The following PDXDC1 variants were observed in gnomAD, a reference collection of about 807,000 sequenced individuals.
The protein encoded by PDXDC1 is pyridoxal dependent decarboxylase domain containing 1, also known as pyridoxal-dependent decarboxylase domain-containing protein 1.
Under a neutral mutation model 100.1 loss-of-function variants are expected in PDXDC1, and 42 were observed. The ratio of observed to expected loss-of-function variants is 0.42; its 90% CI spans 0.33 to 0.54. The LOEUF is 0.54. Among genes scored for constraint, PDXDC1 ranks in the 20% least tolerant of loss-of-function variants. PDXDC1 has a pLI of 0.10. For synonymous variants in PDXDC1, 260 were observed against 371.7 expected (o/e 0.70, Z 3.46); for missense variants, 636 against 979.2 (o/e 0.65, Z 4.68).
At chr16:15,014,560 A>C (rs2151478462) in intron 8 of PDXDC1, among the ~76,000 whole-genome samples, 1 of 152,420 alleles carries the variant, frequency 6.6e-6, no homozygotes, top group Non-Finnish European at 1.5e-5. Context: ...AGCTAAACTA[A>C]ATGTGTCTGT....
At chr16:15,038,347 GT>G, downstream of PDXDC1, 4 of 631,968 alleles carry the variant, frequency 6.3e-6, no homozygotes, top group South Asian at 1.0e-4. Context: ...GCCTGAATTA[GT>G]AAGAAAAAAG....
intron 5 of PDXDC1, among the ~76,000 whole-genome samples, chr16:15,005,083 G>A (rs1211138051): frequency 6.6e-6 from 1 of 152,292 alleles, no homozygotes; most frequent in Non-Finnish European, 1.5e-5. Flanking sequence ...CTGAGGCCAG[G>A]CACGGTGGCT....
At chr16:15,053,658 C>A (rs941894393) in intron 16 of PDXDC1, among the ~76,000 whole-genome samples, 4 of 152,048 alleles carry the variant, frequency 2.6e-5, no homozygotes, top group Non-Finnish European at 5.9e-5. Context: ...CACCGGTAAT[C>A]CCAGCACTTT....
chr16:14,984,495 A>ATATTTTTTT (rs1555542734), intron 1 of PDXDC1, among the ~76,000 whole-genome samples: 2 of 73,494 alleles, frequency 2.7e-5, no homozygotes, highest in African/African-American at 5.0e-5. Flanking sequence ...ATATATATAT[A>ATATTTTTTT]TTTTTTTTTT....
intron 16 of PDXDC1, among the ~76,000 whole-genome samples, chr16:15,129,165 C>T (rs78119663): frequency 0.016 from 2,473 of 151,692 alleles, 60 homozygotes; most frequent in African/African-American, 0.056. Context: ...AAAAGCAGCA[C>T]GGAAATAAAA....
intron 16 of PDXDC1, chr16:15,130,419 A>C (rs759145381): frequency 7.2e-6 from 11 of 1,537,308 alleles, no homozygotes; most frequent in Admixed American, 3.5e-5. Context: ...GTGGCTGGAG[A>C]GGTTCAGACG....
intron 9 of PDXDC1, among the ~76,000 whole-genome samples, chr16:15,016,636 A>G (rs938768866): frequency 4.6e-5 from 7 of 152,284 alleles, no homozygotes; most frequent in African/African-American, 1.7e-4. Context: ...TAATCCTCTG[A>G]TAGTTGAGGT....
At chr16:15,087,454 T>C (rs1186890489) in intron 16 of PDXDC1, among the ~76,000 whole-genome samples, 1 of 152,192 alleles carries the variant, frequency 6.6e-6, no homozygotes, top group East Asian at 1.9e-4. Context: ...AAGGCTATCC[T>C]CTGTCCACCG....
chr16:15,061,711 C>CA, intron 16 of PDXDC1: 1 of 1,591,530 alleles, frequency 6.3e-7, no homozygotes, highest in Non-Finnish European at 8.6e-7. Flanking sequence ...TGGGGAATCC[C>CA]AAATGTCACA....
At chr16:15,063,866 A>G (rs1016934672) in intron 16 of PDXDC1, among the ~76,000 whole-genome samples, 15 of 152,170 alleles carry the variant, frequency 9.9e-5, no homozygotes, top group Admixed American at 6.5e-5. Flanking sequence ...AATTGTTTCT[A>G]AACTTTACAA....
the PDXDC1 span, among the ~76,000 whole-genome samples, chr16:15,146,345 A>C: frequency 6.6e-6 from 1 of 152,170 alleles, no homozygotes; most frequent in Non-Finnish European, 1.5e-5. Context: ...ACCTAACAGC[A>C]AGGATGCAGC....
intron 1 of PDXDC1, chr16:14,975,489 G>A (rs1966678698): frequency 3.0e-6 from 3 of 985,388 alleles, no homozygotes; most frequent in African/African-American, 1.7e-5. Flanking sequence ...TGGGACCGCG[G>A]GGCCGACCTT....
intron 13 of PDXDC1, chr16:15,025,884 A>G (rs2042559285): frequency 6.6e-6 from 1 of 152,438 alleles, no homozygotes; most frequent in South Asian, 2.1e-4. Context: ...CTGCTGGATT[A>G]TCATAATACA....
chr16:15,083,670 T>A, intron 16 of PDXDC1: 1 of 1,563,646 alleles, frequency 6.4e-7, no homozygotes, highest in Non-Finnish European at 8.7e-7. Flanking sequence ...AAAGCAAATA[T>A]TGATAGACAT....
chr16:15,078,992 T>C (rs935189567), intron 16 of PDXDC1, among the ~76,000 whole-genome samples: 3 of 152,064 alleles, frequency 2.0e-5, no homozygotes, highest in African/African-American at 7.2e-5. Context: ...TTTGTATTTT[T>C]AGTGAGACAG....
intron 1 of PDXDC1, among the ~76,000 whole-genome samples, chr16:14,984,495 A>ATATATATATATATATATTTT (rs1555542734): frequency 1.4e-5 from 1 of 73,488 alleles, no homozygotes; most frequent in Non-Finnish European, 2.4e-5. Context: ...ATATATATAT[A>ATATATATATATATATATTTT]TTTTTTTTTT....
chr16:15,073,932 T>C (rs1455220631), intron 16 of PDXDC1, among the ~76,000 whole-genome samples: 1 of 152,120 alleles, frequency 6.6e-6, no homozygotes, highest in Non-Finnish European at 1.5e-5. Flanking sequence ...TATGAGAAAA[T>C]GTTTATCTTC....
At chr16:15,103,562 G>A (rs1182570009) in intron 16 of PDXDC1, among the ~76,000 whole-genome samples, 1 of 151,452 alleles carries the variant, frequency 6.6e-6, no homozygotes, top group Non-Finnish European at 1.5e-5. Flanking sequence ...AGAGTGTGCT[G>A]ATGTGATCTC....
intron 16 of PDXDC1, among the ~76,000 whole-genome samples, chr16:15,071,699 C>T (rs2045237832): frequency 6.6e-6 from 1 of 152,126 alleles, no homozygotes; most frequent in African/African-American, 2.4e-5. Context: ...ACCCAGGAGG[C>T]AGAGGTTGCA....
Sources: allele counts gnomAD v4.1 joint callset (sites outside exome capture counted in the v4.1 genomes callset), GRCh38; gene constraint gnomAD v4.1.1; transcripts MANE v1.5; gene names NCBI Gene and HGNC (gene_info 2026-07-23, HGNC 2026-07-21).